The following HP1BP3 variants were observed in gnomAD, a reference collection of about 807,000 sequenced individuals.
HP1BP3 encodes the protein heterochromatin protein 1-binding protein 3.
In HP1BP3, 12 loss-of-function variants were observed where a neutral mutation model predicts 62.5. The observed-to-expected ratio is 0.19, with a 90% CI of 0.12 to 0.31. HP1BP3 has a LOEUF of 0.31. Among genes scored for constraint, HP1BP3 ranks in the 10% least tolerant of loss-of-function variants. The probability of loss-of-function intolerance (pLI) is 1.00; values close to 1 mark genes in which losing one functional copy is unlikely to be tolerated. For synonymous variants in HP1BP3, 260 were observed against 237.8 expected (o/e 1.09, Z -0.86); for missense variants, 502 against 651.8 (o/e 0.77, Z 2.50).
At chr1:20,783,054 G>A (rs2057645693) in intron 1 of HP1BP3, among the ~76,000 whole-genome samples, 1 of 151,952 alleles carries the variant, frequency 6.6e-6, no homozygotes. Flanking sequence ...CCAGGCTACA[G>A]TGAGCTAGAA....
intron 9 of HP1BP3, among the ~76,000 whole-genome samples, chr1:20,755,037 C>A (rs966837630): frequency 6.6e-6 from 1 of 152,158 alleles, no homozygotes; most frequent in East Asian, 1.9e-4. Flanking sequence ...TCTGATGAGA[C>A]TTTATGTCTA....
intron 6 of HP1BP3, among the ~76,000 whole-genome samples, chr1:20,768,399 T>TCGCTC (rs1266293751): frequency 6.6e-6 from 1 of 151,552 alleles, no homozygotes; most frequent in Non-Finnish European, 1.5e-5. Context: ...TGAGCTGAGA[T>TCGCTC]CGCTCCACTC....
intron 9 of HP1BP3, 103 bp from the exon 10 acceptor site, chr1:20,749,985 C>T: frequency 6.7e-7 from 1 of 1,503,428 alleles, no homozygotes. Context: ...CCTGCATTAG[C>T]ACAGATATGT....
At chr1:20,747,983 CTGGGACT>C (rs1204252183) in intron 10 of HP1BP3, among the ~76,000 whole-genome samples, 2 of 152,054 alleles carry the variant, frequency 1.3e-5, no homozygotes, top group Admixed American at 1.3e-4. Flanking sequence ...TCCCAGACTG[CTGGGACT>C]CCAGGCATGA....
At position 20,768,338 on chromosome 1, in the gene HP1BP3, C is replaced by T. The variant is rs575437817; in HGVS notation, c.655-674G>A. Among the ~76,000 whole-genome samples the T allele has an allele frequency of 1.4e-4, 22 of 152,078 alleles. No individual in the cohort carries two copies. The South Asian group carries it at 2.7e-3, about 19-fold the overall frequency. ...GCGGGTGCCTGTAGTCCCAGCTATT[C>T]GGGAGGCTGAGGCAGGAGAATGGCG... On this transcript the variant is annotated intron_variant, in intron 6 of 12. Coordinates refer to ENST00000438032, the MANE Select transcript of HP1BP3 (RefSeq NM_001372052.1).
intron 8 of HP1BP3, among the ~76,000 whole-genome samples, chr1:20,758,409 G>C (rs966109186): frequency 3.3e-5 from 5 of 151,814 alleles, no homozygotes; most frequent in African/African-American, 9.7e-5. Context: ...GCAGTGGCGC[G>C]ATCTCAGGTC....
intron 11 of HP1BP3, 35 bp from the exon 12 acceptor site, chr1:20,745,691 C>T (rs2055274243): frequency 6.2e-7 from 1 of 1,606,862 alleles, no homozygotes; most frequent in African/African-American, 1.3e-5. Context: ...AACACAAGTC[C>T]CATATAAAAC....
chr1:20,759,496 A>G lies in HP1BP3; in HGVS notation c.891-2240T>C, dbSNP rs564318607. Reference sequence around the variant, plus strand: ...AAATTTCCAAAATAAAACATTTAAGAAAGTATTAAGGGCTCCTTCTGTCAT... The same window carrying G: ...AAATTTCCAAAATAAAACATTTAAGGAAGTATTAAGGGCTCCTTCTGTCAT... On this transcript the variant is annotated intron_variant, in intron 8 of 12. Coordinates refer to ENST00000438032, the MANE Select transcript of HP1BP3 (RefSeq NM_001372052.1). 3.3e-5 allele frequency among the ~76,000 whole-genome samples: 5 copies of G among 152,342 alleles called. No individual in the cohort carries two copies. In the East Asian group the frequency reaches 9.6e-4, roughly 29 times the overall value.
intron 2 of HP1BP3, 51 bp downstream of exon 2, chr1:20,780,294 G>C (rs750670311): frequency 7.5e-7 from 1 of 1,325,906 alleles, no homozygotes; most frequent in South Asian, 1.2e-5. Flanking sequence ...AGCAGGGCCT[G>C]AAGTCAGGGA....
chr1:20,781,485 A>G (rs973524226), intron 1 of HP1BP3, among the ~76,000 whole-genome samples: 8 of 152,240 alleles, frequency 5.3e-5, no homozygotes, highest in Non-Finnish European at 1.0e-4. Context: ...TATCGGGAAA[A>G]TATTTTTATG....
chr1:20,758,145 CAAAAATA>C (rs1218346434), intron 8 of HP1BP3, among the ~76,000 whole-genome samples: 5 of 151,694 alleles, frequency 3.3e-5, no homozygotes, highest in Non-Finnish European at 5.9e-5. Context: ...GACTCTGTCT[CAAAAATA>C]AAAAATAAAA....
rs1030469993 is a variant in HP1BP3 at position 20,744,961 on chromosome 1, G to A, written c.1498C>T (p.Pro500Ser). The A allele has an allele frequency of 1.9e-6, 3 of 1,614,162 alleles. No individual in the cohort carries two copies. Among genetic ancestry groups the A allele is most frequent in the Non-Finnish European group, 1.7e-6 (2 of 1,180,034 alleles). Reference protein sequence around the residue: ...KARPLPKKAPPKAKTPAKKTR... With the variant: ...KARPLPKKAPSKAKTPAKKTR... ...TTCTTGGCAGGCGTTTTGGCCTTAG[G>A]AGGTGCTTTCTTAGGCAAGGGCCTA... The change falls in exon 13 of 13, where the codon CCT (proline) becomes TCT (serine). Residue 500 changes from proline to serine, a missense_variant. Pro to Ser is a moderately conservative substitution (Grantham distance 74). Coordinates refer to ENST00000438032, the MANE Select transcript of HP1BP3 (RefSeq NM_001372052.1).
intron 2 of HP1BP3, 142 bp downstream of exon 2, chr1:20,780,203 A>G (rs544067167): frequency 1.5e-6 from 1 of 650,960 alleles, no homozygotes; most frequent in African/African-American, 1.8e-5. Context: ...GAAAGGGAAG[A>G]TGAAAAGAAT....
chr1:20,754,470 GT>G (rs554461708), intron 9 of HP1BP3, among the ~76,000 whole-genome samples: 98 of 143,172 alleles, frequency 6.8e-4, no homozygotes, highest in Middle Eastern at 3.7e-3. Context: ...TGTTTTTTTG[GT>G]TTTTTTTTTT....
intron 3 of HP1BP3, among the ~76,000 whole-genome samples, chr1:20,778,280 CTG>C (rs1299572010): frequency 5.9e-5 from 9 of 152,122 alleles, no homozygotes; most frequent in African/African-American, 1.7e-4. Flanking sequence ...CATTAAACTA[CTG>C]TGTTTCTGTG....
At position 20,743,743 on chromosome 1, in the gene HP1BP3, T is replaced by C. The variant is rs1482982382; in HGVS notation, c.*1054A>G. ...GGTGACACCAGAAATCACAAATCAA[T>C]ATATTTCTACACTTCCCCTTCAGTC... On this transcript the variant is annotated 3_prime_UTR_variant, in exon 13 of 13. Transcript: ENST00000438032. 1.3e-5 allele frequency: 2 copies of C among 152,082 alleles called. No individual in the cohort carries two copies. Among genetic ancestry groups the C allele is most frequent in the Non-Finnish European group, 2.9e-5 (2 of 68,020 alleles). 9.4% of individuals were successfully genotyped at this position (152,082 alleles called of 1,614,324 possible).
At position 20,740,728 on chromosome 1, in the gene HP1BP3, G is replaced by A. The variant is rs1292579829; in HGVS notation, c.*4069C>T. On this transcript the variant is annotated 3_prime_UTR_variant, in exon 13 of 13. Transcript: ENST00000438032. ...GCTACTTGGGAGGCTGAGGTGGGGAGAACTGCTTGAGCACACGAGTTCAAA... is the reference window on the plus strand; with the variant it reads ...GCTACTTGGGAGGCTGAGGTGGGGAAAACTGCTTGAGCACACGAGTTCAAA... Among the ~76,000 whole-genome samples the A allele has an allele frequency of 6.6e-6, 1 of 152,214 alleles. No homozygotes were observed. Among genetic ancestry groups the A allele is most frequent in the African/African-American group, 2.4e-5 (1 of 41,458 alleles).
At chr1:20,783,059 C>G (rs1442580941) in intron 1 of HP1BP3, among the ~76,000 whole-genome samples, 1 of 151,946 alleles carries the variant, frequency 6.6e-6, no homozygotes, top group Non-Finnish European at 1.5e-5. Context: ...CTACAGTGAG[C>G]TAGAATTGCA....
In HP1BP3 at chr1:20,780,266, A is replaced by G. The variant is rs1435115516; in HGVS notation, c.96+79T>C. The G allele has an allele frequency of 5.1e-6, 5 of 989,056 alleles. No homozygotes were observed. In the East Asian group the frequency reaches 9.5e-5, roughly 19 times the overall value. The allele number at this position is 989,056 out of a possible 1,614,324, so 61.3% of individuals were successfully genotyped here. On this transcript the variant is annotated intron_variant, in intron 2 of 12. Transcript: ENST00000438032. ...GACTCCCCAAAGTAAGGGAAGGAACATGTACCAAGAAGGACCCAGCAGGGC... is the reference window on the plus strand; with the variant it reads ...GACTCCCCAAAGTAAGGGAAGGAACGTGTACCAAGAAGGACCCAGCAGGGC...
Sources: gnomAD v4.1 joint callset for allele counts (sites outside exome capture counted in the v4.1 genomes callset) on GRCh38, gnomAD v4.1.1 for gene constraint, MANE v1.5 for transcripts, NCBI Gene and HGNC (gene_info 2026-07-23, HGNC 2026-07-21) for gene names.